The following ITPR1 variants were observed in gnomAD, a reference collection of about 807,000 sequenced individuals.
ITPR1 encodes inositol 1,4,5-trisphosphate-gated calcium channel ITPR1.
A neutral mutation model predicts 318.4 loss-of-function variants in ITPR1; 96 were observed. The observed-to-expected ratio is 0.30, with a 90% confidence interval of 0.26 to 0.36. The LOEUF (loss-of-function observed/expected upper bound fraction) is 0.36. ITPR1 is among the 10% of genes least tolerant of loss of function. The pLI is 1.00. For synonymous variants in ITPR1, 1,312 were observed against 1,289.9 expected, an observed-to-expected ratio of 1.02 and a Z score of -0.37; for missense variants, 2,440 against 3,460.2, an observed-to-expected ratio of 0.71 and a Z score of 7.40.
intron 40 of ITPR1, among the ~76,000 whole-genome samples, chr3:4,720,985 G>C (rs957270145): frequency 2.6e-5 from 4 of 151,890 alleles, no homozygotes; most frequent in African/African-American, 9.7e-5. Context: ...GCTCACTGCT[G>C]ATGTGTGACC....
intron 3 of ITPR1, among the ~76,000 whole-genome samples, chr3:4,520,474 C>G (rs759624668): frequency 1.3e-5 from 2 of 152,192 alleles, no homozygotes; most frequent in African/African-American, 4.8e-5. Context: ...ACATCTATTT[C>G]GAATCTTCCA....
rs2046679007 is a variant in ITPR1, at chr3:4,779,425, C to G, written c.6292-125C>G. The stretch of plus-strand genomic sequence containing the variant: ...TTTTGATGTCCTTAACCCAGAGCTT[C>G]CTCATGGGGTGAAATGTTCGTCTGT... On this transcript the variant is annotated intron_variant, in intron 48 of 61. Coordinates refer to ENST00000649015, the MANE Select transcript of ITPR1 (RefSeq NM_001378452.1). This position sits in a 1 kb window ranked among gnomAD's most constrained non-coding sequence, Gnocchi z 4.0. 1.5e-6 allele frequency: 1 copy of G among 680,580 alleles called. No individual in the cohort carries two copies. Among genetic ancestry groups the G allele is most frequent in the South Asian group, 1.6e-5 (1 of 62,702 alleles). The allele number at this position is 680,580 out of a possible 1,614,324, so 42.2% of individuals were successfully genotyped here.
intron 59 of ITPR1, among the ~76,000 whole-genome samples, chr3:4,817,071 T>C (rs1374272770): frequency 6.6e-6 from 1 of 152,234 alleles, no homozygotes; most frequent in Non-Finnish European, 1.5e-5. Flanking sequence ...GTGAGAGCCC[T>C]TTCCAGCTGA....
chr3:4,766,451 C>A, intron 44 of ITPR1, 79 bp from the exon 45 acceptor site: 1 of 1,225,846 alleles, frequency 8.2e-7, no homozygotes, highest in Non-Finnish European at 1.2e-6. Context: ...CTCTGATCTT[C>A]ATTAGGTTTT....
At chr3:4,627,566 T>G (rs943014512) in intron 4 of ITPR1, among the ~76,000 whole-genome samples, 197 bp from the exon 5 acceptor site, 2 of 152,150 alleles carry the variant, frequency 1.3e-5, no homozygotes, top group Non-Finnish European at 2.9e-5. Flanking sequence ...ACTCACTTTC[T>G]TTAAGCCTTG....
intron 45 of ITPR1, among the ~76,000 whole-genome samples, chr3:4,767,787 T>C (rs559705931): frequency 1.3e-5 from 2 of 152,344 alleles, no homozygotes; most frequent in Non-Finnish European, 2.9e-5. Flanking sequence ...GTAGCTGGGA[T>C]TATAGTCCAG....
chr3:4,554,409 A>G (rs2085905963), intron 4 of ITPR1, among the ~76,000 whole-genome samples: 1 of 152,198 alleles, frequency 6.6e-6, no homozygotes, highest in Non-Finnish European at 1.5e-5. Flanking sequence ...TTAGTCTGGT[A>G]ATTACGTGTA....
chr3:4,757,350 A>G (rs931360125), intron 44 of ITPR1, among the ~76,000 whole-genome samples: 1 of 152,332 alleles, frequency 6.6e-6, no homozygotes, highest in Admixed American at 6.5e-5. Context: ...GGGAACCCAT[A>G]TTAACAAATG....
chr3:4,769,408 G>A (rs1435663533), intron 46 of ITPR1, among the ~76,000 whole-genome samples: 4 of 152,192 alleles, frequency 2.6e-5, no homozygotes, highest in Non-Finnish European at 5.9e-5. Flanking sequence ...GGTAAAAATG[G>A]GATGGATGGA....
intron 24 of ITPR1, among the ~76,000 whole-genome samples, chr3:4,678,515 A>G (rs1052231464): frequency 9.2e-5 from 14 of 152,280 alleles, no homozygotes; most frequent in African/African-American, 2.6e-4. Flanking sequence ...TACCATGTGC[A>G]CTGTGAGGAA....
chr3:4,665,798 C>T (rs1266812831), intron 17 of ITPR1, among the ~76,000 whole-genome samples: 1 of 152,114 alleles, frequency 6.6e-6, no homozygotes, highest in African/African-American at 2.4e-5. Context: ...TATATACACA[C>T]ACAATGTATA....
chr3:4,690,805 T>A (rs1446521414), intron 31 of ITPR1, among the ~76,000 whole-genome samples: 1 of 152,210 alleles, frequency 6.6e-6, no homozygotes, highest in African/African-American at 2.4e-5. Flanking sequence ...CAGGCAAAAC[T>A]AATCTGGTTA....
chr3:4,779,782 C>A lies in ITPR1; in HGVS notation c.6387+137C>A. 1 of 543,796 alleles carries A rather than the reference C, an allele frequency of 1.8e-6. No homozygotes were observed. The highest frequency in any genetic ancestry group is 2.7e-5 in the South Asian group (1 of 36,408). 33.7% of individuals were successfully genotyped at this position (543,796 alleles called of 1,614,324 possible). ...GTATAAAGGGAACATTGAATTCAGGCCTCTGACTGAGTAGAGAAGTGAAAT... is the reference window on the plus strand; with the variant it reads ...GTATAAAGGGAACATTGAATTCAGGACTCTGACTGAGTAGAGAAGTGAAAT... On this transcript the variant is annotated intron_variant, in intron 49 of 61. Transcript: ENST00000649015. This position sits in a 1 kb window ranked among gnomAD's most constrained non-coding sequence, Gnocchi z 4.0.
chr3:4,581,425 G>A (rs1176157295), intron 4 of ITPR1, among the ~76,000 whole-genome samples: 1 of 152,196 alleles, frequency 6.6e-6, no homozygotes, highest in Non-Finnish European at 1.5e-5. Flanking sequence ...TATGGTGTAT[G>A]GTGGTTGCTT....
At chr3:4,758,429 C>T (rs936335892) in intron 44 of ITPR1, among the ~76,000 whole-genome samples, 4 of 152,200 alleles carry the variant, frequency 2.6e-5, no homozygotes, top group African/African-American at 9.7e-5. Flanking sequence ...GCTAAGATGC[C>T]ACAAAGGGGC....
chr3:4,551,857 C>T (rs997364268), intron 4 of ITPR1, among the ~76,000 whole-genome samples: 2 of 152,200 alleles, frequency 1.3e-5, no homozygotes, highest in African/African-American at 4.8e-5. Context: ...TTGACTACAT[C>T]TCTGCTGTCT....
At chr3:4,554,774 A>G (rs988036377) in intron 4 of ITPR1, among the ~76,000 whole-genome samples, 1 of 152,102 alleles carries the variant, frequency 6.6e-6, no homozygotes, top group Non-Finnish European at 1.5e-5. Context: ...TGATTTTAAA[A>G]CAGCAGTTTC....
chr3:4,667,539 AG>A lies in ITPR1; in HGVS notation c.1879del (p.Glu627SerfsTer5). ...DTFVSLVRKN[R>X]EPRFLDYLSD... ...ATTTGTCAGCCTGGTGCGAAAGAAC[AG>A]GGAGCCCAGGTGAGGCGGGAGTGGG... On this transcript the variant is annotated frameshift_variant, in exon 18 of 62. Coordinates refer to ENST00000649015, the MANE Select transcript of ITPR1 (RefSeq NM_001378452.1). LOFTEE classifies it high-confidence loss of function. 1 of 1,612,882 alleles carries A rather than the reference AG, an allele frequency of 6.2e-7. No homozygotes were observed. Among genetic ancestry groups the A allele is most frequent in the Non-Finnish European group, 8.5e-7 (1 of 1,179,366 alleles).
chr3:4,613,931 C>T (rs2092276394), intron 4 of ITPR1, among the ~76,000 whole-genome samples: 1 of 152,160 alleles, frequency 6.6e-6, no homozygotes, highest in African/African-American at 2.4e-5. Context: ...TTCCAGTCCC[C>T]AAGAAGGTGC....
Sources: allele counts gnomAD v4.1 joint callset (sites outside exome capture counted in the v4.1 genomes callset), GRCh38; gene constraint gnomAD v4.1.1; non-coding constraint Gnocchi (gnomAD v3.1); transcripts MANE v1.5; gene names NCBI Gene and HGNC (gene_info 2026-07-23, HGNC 2026-07-21).